Variants in COMP observed in about 807,000 individuals in gnomAD.
The protein encoded by COMP is cartilage oligomeric matrix protein.
In COMP, 79 loss-of-function variants were observed where a neutral mutation model predicts 95.8. That is an observed-to-expected ratio of 0.82 (90% CI 0.69 to 0.99). The LOEUF (loss-of-function observed/expected upper bound fraction) is 0.99. Among genes scored for constraint, COMP ranks in the 50% least tolerant of loss-of-function variants. COMP has a pLI of 0.00. For missense variants in COMP, 906 were observed against 1,076.1 expected, an observed-to-expected ratio of 0.84 and a Z score of 2.21; for synonymous variants, 438 against 433.9, an observed-to-expected ratio of 1.01 and a Z score of -0.12.
At position 18,784,829 on chromosome 19, in the gene COMP, A is replaced by C; in HGVS notation, c.1914+67T>G. Reference sequence around the variant, plus strand: ...GGCTGGGGGGCTCTAAGGGCTGTAAAGGGTTTTACGGAGGGTCATGGGAGG... The same window carrying C: ...GGCTGGGGGGCTCTAAGGGCTGTAACGGGTTTTACGGAGGGTCATGGGAGG... On this transcript the variant is annotated intron_variant, in intron 16 of 18. Coordinates refer to ENST00000222271, the MANE Select transcript of COMP (RefSeq NM_000095.3). The surrounding 1 kb of genome is among the most constrained non-coding windows in gnomAD (Gnocchi z 4.9). 6.4e-7 allele frequency: 1 copy of C among 1,568,364 alleles called. No individual in the cohort carries two copies. Among genetic ancestry groups the C allele is most frequent in the South Asian group, 1.1e-5 (1 of 90,080 alleles).
Position 18,788,452 on chromosome 19 carries a change from G to T in COMP, c.825C>A (p.Phe275Leu), listed in dbSNP as rs138296278. Reference sequence around the variant, plus strand: ...CCGGGCAGCGCAGCTTCTCGTCCGGGAAGCCGTCTAGGTCAGTGTCGCGAC... The same window carrying T: ...CCGGGCAGCGCAGCTTCTCGTCCGGTAAGCCGTCTAGGTCAGTGTCGCGAC... Reference protein sequence around the residue: ...LCGRDTDLDGFPDEKLRCPER... With the variant: ...LCGRDTDLDGLPDEKLRCPER... Residue 275 changes from phenylalanine to leucine, a missense_variant, in exon 8 of 19, where the codon TTC becomes TTA. Phe to Leu is a conservative substitution (Grantham distance 22, BLOSUM62 0). Transcript: ENST00000222271. This position sits in a 1 kb window ranked among gnomAD's most constrained non-coding sequence, Gnocchi z 4.7. 3.9e-5 allele frequency: 63 copies of T among 1,611,272 alleles called. No homozygotes were observed. The African/African-American group carries it at 6.9e-4, about 18-fold the overall frequency.
In COMP at chr19:18,789,147, C is replaced by T. The variant is rs1295254932; in HGVS notation, c.528+13G>A. ...CCCTTCTGCTCCAAAAATGGGGCCC[C>T]CACACCTCTCACCTGCTTGTTGGCC... On this transcript the variant is annotated intron_variant, in intron 5 of 18. Transcript: ENST00000222271. This position sits in a 1 kb window ranked among gnomAD's most constrained non-coding sequence, Gnocchi z 6.1. 6.3e-7 allele frequency: 1 copy of T among 1,589,494 alleles called. No homozygotes were observed.
At chr19:18,787,698 G>A (rs1322338988) in intron 9 of COMP, 48 bp from the exon 10 acceptor site, 1 of 1,607,942 alleles carries the variant, frequency 6.2e-7, no homozygotes, top group Non-Finnish European at 8.5e-7. Context: ...AGAAGGCAAA[G>A]GTCACACTCC....
Position 18,786,119 on chromosome 19 carries a change from C to T in COMP, c.1335G>A (p.Arg445=). 6.2e-7 allele frequency: 1 copy of T among 1,614,134 alleles called. No homozygotes were observed. Among genetic ancestry groups the T allele is most frequent in the Non-Finnish European group, 8.5e-7 (1 of 1,180,036 alleles). ...DQDGDGHQDS[R]DNCPTVPNSA... ...TGTTAGGCACCGTGGGACAGTTGTCCCGAGAGTCCTGATGTCCGTCTCCAT... is the reference window on the plus strand; with the variant it reads ...TGTTAGGCACCGTGGGACAGTTGTCTCGAGAGTCCTGATGTCCGTCTCCAT... Residue 445 remains arginine, a synonymous_variant, in exon 13 of 19, where the codon CGG becomes CGA. Coordinates refer to ENST00000222271, the MANE Select transcript of COMP (RefSeq NM_000095.3).
At chr19:18,791,103 C>T (rs944959648) in intron 1 of COMP, 88 bp downstream of exon 1, 16 of 1,517,474 alleles carry the variant, frequency 1.1e-5, no homozygotes, top group Non-Finnish European at 1.1e-5. Flanking sequence ...AGTCCGTGAG[C>T]CCCAAACAGC....
In COMP at chr19:18,787,609, C is replaced by G; in HGVS notation, c.1017G>C (p.Thr339=). The G allele has an allele frequency of 6.2e-7, 1 of 1,614,036 alleles. No homozygotes were observed. Residue 339 remains threonine (T), a synonymous_variant, in exon 10 of 19, where the codon ACG becomes ACC. Coordinates refer to ENST00000222271, the MANE Select transcript of COMP (RefSeq NM_000095.3). ...PLVRNPDQRN[T]DEDKWGDACD... ...ACGCATCGCCCCACTTGTCCTCGTC[C>G]GTGTTGCGCTGGTCTGGGTTCCGCA... is the stretch of plus-strand genomic sequence containing the variant.
At chr19:18,783,299 T>C in intron 17 of COMP, 106 bp from the exon 18 acceptor site, 1 of 1,477,264 alleles carries the variant, frequency 6.8e-7, no homozygotes, top group Admixed American at 2.0e-5. Flanking sequence ...TGGGCTGCAC[T>C]GGGAGCAAGT....
intron 10 of COMP, 106 bp downstream of exon 10, chr19:18,787,385 C>T (rs1477851173): frequency 1.2e-5 from 18 of 1,540,746 alleles, no homozygotes; most frequent in Admixed American, 1.7e-5. Context: ...CCTAGTCCAG[C>T]TTACCCCATC....
rs895484907 is a variant in COMP at position 18,787,475 on chromosome 19, C to A, written c.1135+16G>T. On this transcript the variant is annotated intron_variant, in intron 10 of 18. Transcript: ENST00000222271. ...CCCGCCGCCTCTCCTCGCCCCCCAA[C>A]CCCCATCGAGCTCACGGTCGCCGTC... The A allele has an allele frequency of 6.2e-7, 1 of 1,610,080 alleles. No individual in the cohort carries two copies. Among genetic ancestry groups the A allele is most frequent in the Non-Finnish European group, 8.5e-7 (1 of 1,179,850 alleles).
In COMP at chr19:18,789,641, C is replaced by T. The variant is rs932361335; in HGVS notation, c.390+301G>A. 6.6e-6 allele frequency among the ~76,000 whole-genome samples: 1 copy of T among 150,748 alleles called. No homozygotes were observed. Among genetic ancestry groups the T allele is most frequent in the Non-Finnish European group, 1.5e-5 (1 of 67,760 alleles). On this transcript the variant is annotated intron_variant, in intron 4 of 18. Transcript: ENST00000222271. This position sits in a 1 kb window ranked among gnomAD's most constrained non-coding sequence, Gnocchi z 6.1. ...GCTGTGGAAGGGTCGTTGGGACTGG[C>T]GATCCCCTGCGGCGAGGAGGGTAGC...
At position 18,790,615 on chromosome 19, in the gene COMP, T is replaced by G. The variant is rs2055205791; in HGVS notation, c.166-2A>C. 1.2e-6 allele frequency: 2 copies of G among 1,613,884 alleles called. No homozygotes were observed. Among genetic ancestry groups the G allele is most frequent in the Non-Finnish European group, 1.7e-6 (2 of 1,179,874 alleles). ...TTTCAGGAACGTGATCTCCCTGACC[T>G]GCAGGGGTGGGATGGAATCAGCGGG... On this transcript the variant is annotated splice_acceptor_variant, in intron 2 of 18. Transcript: ENST00000222271. LOFTEE classifies it high-confidence loss of function.
chr19:18,784,261 T>C lies in COMP; in HGVS notation c.2017A>G (p.Asn673Asp). Residue 673 changes from asparagine (N) to aspartate (D), a missense_variant, in exon 17 of 19, where the codon AAC (asparagine) becomes GAC (aspartate). Transcript: ENST00000222271. This position sits in a 1 kb window ranked among gnomAD's most constrained non-coding sequence, Gnocchi z 4.9. ...QVRLLWKDPR[N>D]VGWKDKKSYR... ...GACTTCTTGTCCTTCCAACCCACGT[T>C]TCGCGGGTCCTTCCACAGCAGCCGC... 1 of 1,614,074 alleles carries C rather than the reference T, an allele frequency of 6.2e-7. No individual in the cohort carries two copies. Among genetic ancestry groups the C allele is most frequent in the African/African-American group, 1.3e-5 (1 of 75,044 alleles).
Position 18,785,968 on chromosome 19 carries a change from C to A in COMP, c.1486G>T (p.Asp496Tyr), listed in dbSNP as rs756726447. The change falls in exon 13 of 19, where the codon GAC (aspartate) becomes TAC (tyrosine). Residue 496 changes from aspartate to tyrosine, a missense_variant. Transcript: ENST00000222271. Reference sequence around the variant, plus strand: ...GCAGGCCCCGCCCCCGCCGTACTGTCCGCGTCCTCCTGGCCGGGGTTAGGC... The same window carrying A: ...GCAGGCCCCGCCCCCGCCGTACTGTACGCGTCCTCCTGGCCGGGGTTAGGC... The part of the protein sequence containing the change: ...LVPNPGQEDA[D>Y]RDGVGDVCQD... 6.2e-7 allele frequency: 1 copy of A among 1,606,324 alleles called. No homozygotes were observed. The highest frequency in any genetic ancestry group is 8.5e-7 in the Non-Finnish European group (1 of 1,178,124).
chr19:18,790,683 C>G, intron 2 of COMP, 70 bp from the exon 3 acceptor site: 1 of 1,613,128 alleles, frequency 6.2e-7, no homozygotes, highest in Non-Finnish European at 8.5e-7. Flanking sequence ...CTCTCTCTAC[C>G]CCGGGGTCCC....
rs747272291 is a variant in COMP at position 18,784,399 on chromosome 19, T to A, written c.1915-36A>T. On this transcript the variant is annotated intron_variant, in intron 16 of 18. Transcript: ENST00000222271. The surrounding 1 kb of genome is among the most constrained non-coding windows in gnomAD (Gnocchi z 4.9). ...CCAGGAAAGGTGGTCAGAGACCTCG[T>A]GGGCCACCGGAGCCCCCCTAGACAC... 1.2e-6 allele frequency: 2 copies of A among 1,612,738 alleles called. No individual in the cohort carries two copies. The highest frequency in any genetic ancestry group is 3.3e-5 in the Admixed American group (2 of 59,996).
chr19:18,785,428 C>T, intron 15 of COMP, 70 bp downstream of exon 15: 2 of 1,593,660 alleles, frequency 1.3e-6, no homozygotes, highest in Non-Finnish European at 1.7e-6. Flanking sequence ...TCAGCCCGGG[C>T]CTGCCCCTTC....
At position 18,791,261 on chromosome 19, in the gene COMP, G is replaced by A; in HGVS notation, c.9C>T (p.Pro3=). The A allele has an allele frequency of 3.8e-6, 6 of 1,595,806 alleles. No individual in the cohort carries two copies. The highest frequency in any genetic ancestry group is 1.1e-5 in the South Asian group (1 of 88,076). MV[P]DTACVLLLTL... ...TGAGCAGAAGAACGCAGGCGGTGTC[G>A]GGGACCATGGCGGTGGCGGGGAGCT... is the stretch of plus-strand genomic sequence containing the variant. Residue 3 remains proline (P), a synonymous_variant, in exon 1 of 19, where the codon CCC becomes CCT. Transcript: ENST00000222271.
Position 18,784,272 on chromosome 19 carries a change from TTCCACA to T in COMP, c.2000_2005del (p.Leu667_Lys669delinsGln). 6.2e-7 allele frequency: 1 copy of T among 1,614,072 alleles called. No homozygotes were observed. Among genetic ancestry groups the T allele is most frequent in the Non-Finnish European group, 8.5e-7 (1 of 1,180,028 alleles). On this transcript the variant is annotated inframe_deletion, in exon 17 of 19. Transcript: ENST00000222271. This position sits in a 1 kb window ranked among gnomAD's most constrained non-coding sequence, Gnocchi z 4.9. ...CTTCCAACCCACGTTTCGCGGGTCC[TTCCACA>T]GCAGCCGCACCTGGGACTCTGTGTC...
At chr19:18,783,611 A>ATTTT (rs34666033) in intron 17 of COMP, among the ~76,000 whole-genome samples, 7 of 138,018 alleles carry the variant, frequency 5.1e-5, no homozygotes, top group African/African-American at 1.9e-4. Flanking sequence ...CATGCCTGGC[A>ATTTT]TTTTTTTTTT....
Sources: allele counts gnomAD v4.1 joint callset (sites outside exome capture counted in the v4.1 genomes callset), GRCh38; gene constraint gnomAD v4.1.1; non-coding constraint Gnocchi (gnomAD v3.1); transcripts MANE v1.5; gene names NCBI Gene and HGNC (gene_info 2026-07-23, HGNC 2026-07-21).